PDE8A: variants seen among roughly 807,000 people sequenced by gnomAD.
PDE8A encodes the protein phosphodiesterase 8A.
Under a neutral mutation model 105.0 loss-of-function variants are expected in PDE8A, and 59 were observed. That is an observed-to-expected ratio of 0.56 (90% CI 0.46 to 0.70). The LOEUF (loss-of-function observed/expected upper bound fraction) is 0.70. PDE8A is among the 30% of genes least tolerant of loss of function. PDE8A has a pLI of 0.00. For missense variants in PDE8A, 1,014 were observed against 1,045.9 expected (o/e 0.97, Z 0.42); for synonymous variants, 355 against 371.9 (o/e 0.95, Z 0.52).
chr15:85,110,703 T>C (rs1293215061), intron 12 of PDE8A, among the ~76,000 whole-genome samples: 2 of 152,224 alleles, frequency 1.3e-5, no homozygotes, highest in Non-Finnish European at 2.9e-5. Flanking sequence ...TGTTTCCATT[T>C]TGAGGCTGCT....
chr15:85,113,290 A>T (rs370506698), intron 12 of PDE8A, 87 bp from the exon 13 acceptor site: 7 of 1,078,782 alleles, frequency 6.5e-6, no homozygotes, highest in South Asian at 2.5e-5. Flanking sequence ...CCCCTTCATC[A>T]TGCAGCCGAG....
intron 11 of PDE8A, among the ~76,000 whole-genome samples, chr15:85,101,717 A>G (rs2081864966): frequency 6.6e-6 from 1 of 152,228 alleles, no homozygotes; most frequent in Non-Finnish European, 1.5e-5. Context: ...AACAATGGCC[A>G]GGGAATAATA....
At chr15:85,017,891 A>AAAAAAAAAAAAC (rs1354111672) in intron 1 of PDE8A, among the ~76,000 whole-genome samples, 4 of 151,162 alleles carry the variant, frequency 2.6e-5, no homozygotes, top group Non-Finnish European at 4.4e-5. Context: ...CCGTCTCAAA[A>AAAAAAAAAAAAC]AAAAAAAAGC....
intron 1 of PDE8A, among the ~76,000 whole-genome samples, chr15:85,042,942 G>A (rs577403829): frequency 6.6e-6 from 1 of 152,156 alleles, no homozygotes; most frequent in African/African-American, 2.4e-5. Context: ...TAGATAATTC[G>A]ATTGTGTGGA....
At chr15:85,095,964 C>G (rs1221991216) in intron 8 of PDE8A, among the ~76,000 whole-genome samples, 5 of 151,696 alleles carry the variant, frequency 3.3e-5, no homozygotes, top group Non-Finnish European at 5.9e-5. Flanking sequence ...CAACCTCTGC[C>G]TCCTAGGTTC....
intron 1 of PDE8A, among the ~76,000 whole-genome samples, chr15:84,990,723 TC>T (rs2142151373): frequency 6.6e-6 from 1 of 152,350 alleles, no homozygotes; most frequent in African/African-American, 2.4e-5. Context: ...ACATGTGCTT[TC>T]ATTCCCCTTG....
chr15:85,012,512 C>G (rs933500439), intron 1 of PDE8A, among the ~76,000 whole-genome samples: 2 of 133,318 alleles, frequency 1.5e-5, no homozygotes, highest in African/African-American at 5.8e-5. Context: ...AACACATGGA[C>G]ACAGGAAGGG....
intron 1 of PDE8A, among the ~76,000 whole-genome samples, chr15:85,039,602 G>C (rs1370802554): frequency 6.6e-6 from 1 of 152,088 alleles, no homozygotes; most frequent in Non-Finnish European, 1.5e-5. Context: ...TCCCACTTCT[G>C]AGTGTATATC....
chr15:84,998,919 CT>C (rs1375548314), intron 1 of PDE8A, among the ~76,000 whole-genome samples: 1 of 152,084 alleles, frequency 6.6e-6, no homozygotes, highest in Non-Finnish European at 1.5e-5. Flanking sequence ...CAAACATATA[CT>C]CGTTTTCAAT....
In PDE8A at chr15:85,115,471, T is replaced by C. The variant is rs777401052; in HGVS notation, c.1383T>C (p.Tyr461=). 1 of 1,528,002 alleles carries C rather than the reference T, an allele frequency of 6.5e-7. No homozygotes were observed. Among genetic ancestry groups the C allele is most frequent in the South Asian group, 1.3e-5 (1 of 79,888 alleles). 94.7% of individuals were successfully genotyped at this position (1,528,002 alleles called of 1,614,324 possible). A position where few individuals can be genotyped will look rare whatever the true frequency, so the allele number is the denominator to read the frequency against. ...TGCGAAGACTATCAGGGAATGAATA[T>C]GTTCTTTCAACAAAAAGTAAGTTTT... ...DGLRRLSGNE[Y]VLSTKNTQMV... Residue 461 remains tyrosine (Y), a synonymous_variant, in exon 15 of 22, where the codon TAT becomes TAC. Transcript: ENST00000394553.
chr15:84,998,019 G>T (rs560823258), intron 1 of PDE8A, among the ~76,000 whole-genome samples: 35 of 152,138 alleles, frequency 2.3e-4, no homozygotes, highest in South Asian at 2.1e-3. Context: ...AACATTTTAG[G>T]GTAGTCTGTA....
At chr15:85,074,461 G>C (rs1343466129) in intron 3 of PDE8A, among the ~76,000 whole-genome samples, 1 of 152,244 alleles carries the variant, frequency 6.6e-6, no homozygotes, top group Admixed American at 6.5e-5. Context: ...CAGCACTTTG[G>C]GAGGCCAAGG....
At chr15:85,055,710 A>G (rs1035501322) in intron 1 of PDE8A, among the ~76,000 whole-genome samples, 1 of 152,150 alleles carries the variant, frequency 6.6e-6, no homozygotes, top group African/African-American at 2.4e-5. Flanking sequence ...GTGTCTCTGC[A>G]TGTGAGTTGG....
intron 1 of PDE8A, among the ~76,000 whole-genome samples, chr15:85,024,721 C>A (rs1282880707): frequency 6.6e-6 from 1 of 152,194 alleles, no homozygotes; most frequent in Non-Finnish European, 1.5e-5. Context: ...ATTTCATTCC[C>A]CTATTGACTC....
intron 1 of PDE8A, among the ~76,000 whole-genome samples, chr15:85,032,229 A>G (rs2080627481): frequency 6.6e-6 from 1 of 152,214 alleles, no homozygotes; most frequent in Admixed American, 6.5e-5. Context: ...CCATTGTTTG[A>G]CACCATAGTA....
At chr15:85,136,151 G>A (rs566829778) in intron 20 of PDE8A, among the ~76,000 whole-genome samples, 4 of 152,336 alleles carry the variant, frequency 2.6e-5, no homozygotes, top group African/African-American at 9.6e-5. Context: ...CGCCTGCTCT[G>A]TGGACTCTAG....
In PDE8A at chr15:85,081,902, C is replaced by T. The variant is rs533944062; in HGVS notation, c.547-1654C>T. ...ACCAATTAAAAAGTCTGATTGCATG[C>T]ATGGGAATCCATTTGTGGAAATGGA... is the stretch of plus-strand genomic sequence containing the variant. On this transcript the variant is annotated intron_variant, in intron 5 of 21. Coordinates refer to ENST00000394553, the MANE Select transcript of PDE8A (RefSeq NM_002605.3). 4.6e-5 allele frequency among the ~76,000 whole-genome samples: 7 copies of T among 152,196 alleles called. No homozygotes were observed. In the South Asian group the frequency reaches 1.5e-3, roughly 32 times the overall value.
intron 1 of PDE8A, among the ~76,000 whole-genome samples, chr15:85,018,250 T>C (rs974064028): frequency 6.6e-6 from 1 of 152,170 alleles, no homozygotes; most frequent in Non-Finnish European, 1.5e-5. Context: ...TGGTACTAAT[T>C]AAAATAGTCA....
intron 5 of PDE8A, among the ~76,000 whole-genome samples, chr15:85,081,272 C>T (rs1470656471): frequency 6.6e-6 from 1 of 152,208 alleles, no homozygotes; most frequent in East Asian, 1.9e-4. Flanking sequence ...CTGCTAGCTT[C>T]CTCAATTGGA....
Sources: gnomAD v4.1 joint callset for allele counts (sites outside exome capture counted in the v4.1 genomes callset) on GRCh38, gnomAD v4.1.1 for gene constraint, MANE v1.5 for transcripts, NCBI Gene and HGNC (gene_info 2026-07-23, HGNC 2026-07-21) for gene names.